SEZ6L: variants seen among roughly 807,000 people sequenced by gnomAD.
The protein encoded by SEZ6L is seizure related 6 homolog like.
A neutral mutation model predicts 106.2 loss-of-function variants in SEZ6L; 37 were observed. The ratio of observed to expected loss-of-function variants is 0.35; its 90% confidence interval spans 0.27 to 0.46. SEZ6L has a LOEUF of 0.46. Ranked by LOEUF, SEZ6L falls within the 20% of genes least tolerant of loss-of-function variation. The pLI is 1.00. For synonymous variants in SEZ6L, 541 were observed against 570.4 expected (o/e 0.95, Z 0.73); for missense variants, 1,172 against 1,332.8 (o/e 0.88, Z 1.88).
intron 1 of SEZ6L, among the ~76,000 whole-genome samples, chr22:26,227,465 TG>T (rs984441214): frequency 1.2e-4 from 19 of 152,194 alleles, no homozygotes; most frequent in African/African-American, 4.6e-4. Context: ...TGGAGGGCAG[TG>T]GTGTGATCAT....
chr22:26,306,058 C>A lies in SEZ6L; in HGVS notation c.1428C>A (p.Ser476Arg). The A allele has an allele frequency of 6.2e-7, 1 of 1,614,146 alleles. No individual in the cohort carries two copies. The change falls in exon 6 of 17, where the codon AGC becomes AGA. Residue 476 changes from serine (S) to arginine (R), a missense_variant. Ser to Arg is a moderately radical substitution (Grantham distance 110). Coordinates refer to ENST00000248933, the MANE Select transcript of SEZ6L (RefSeq NM_021115.5). ...GTTACCCTGAAAACACAAATGGGAG[C>A]CAATTCTGCATCTGGACGATTGAAG... ...SPSYPENTNGSQFCIWTIEAP... is the reference protein window; with the variant it reads ...SPSYPENTNGRQFCIWTIEAP...
intron 9 of SEZ6L, among the ~76,000 whole-genome samples, chr22:26,334,962 A>G (rs989970309): frequency 2.6e-5 from 4 of 152,100 alleles, no homozygotes; most frequent in Non-Finnish European, 1.5e-5. Flanking sequence ...CCGTTTTCCT[A>G]GCGCCTCCTT....
At chr22:26,314,241 G>T (rs2081935839) in intron 9 of SEZ6L, among the ~76,000 whole-genome samples, 1 of 152,190 alleles carries the variant, frequency 6.6e-6, no homozygotes, top group African/African-American at 2.4e-5. Context: ...GGTGCTATGA[G>T]ATTCTTTAAC....
Position 26,259,258 on chromosome 22 carries a change from G to C in SEZ6L, c.95-33148G>C, listed in dbSNP as rs79525156. 3.4e-3 allele frequency among the ~76,000 whole-genome samples: 513 copies of C among 152,312 alleles called. 16 individuals are homozygous for C. In the East Asian group the frequency reaches 0.054, roughly 16 times the overall value. ...GAGGATGAAATGGTCAGCACCAAGA[G>C]AGGTAGGATAATAATTGTTGATATC... is the stretch of plus-strand genomic sequence containing the variant. On this transcript the variant is annotated intron_variant, in intron 1 of 16. Coordinates refer to ENST00000248933, the MANE Select transcript of SEZ6L (RefSeq NM_021115.5).
chr22:26,208,054 C>T (rs559192040), intron 1 of SEZ6L, among the ~76,000 whole-genome samples: 1 of 151,942 alleles, frequency 6.6e-6, no homozygotes, highest in Admixed American at 6.6e-5. Flanking sequence ...GGACTACAGG[C>T]GCGCGCCACC....
intron 1 of SEZ6L, among the ~76,000 whole-genome samples, chr22:26,209,765 G>A (rs774368961): frequency 2.8e-5 from 4 of 142,136 alleles, no homozygotes; most frequent in Non-Finnish European, 6.1e-5. Context: ...GGAAGGAAGC[G>A]AGGGAGGGAG....
At chr22:26,342,715 A>G (rs886296865) in intron 10 of SEZ6L, among the ~76,000 whole-genome samples, 4 of 151,822 alleles carry the variant, frequency 2.6e-5, no homozygotes, top group African/African-American at 9.7e-5. Context: ...GAAAAAAGAA[A>G]AGAATTGTCC....
chr22:26,194,639 A>T (rs941821518), intron 1 of SEZ6L, among the ~76,000 whole-genome samples: 4 of 152,162 alleles, frequency 2.6e-5, no homozygotes, highest in African/African-American at 9.7e-5. Flanking sequence ...TGGGGAAGAG[A>T]TGTTCCTGGT....
chr22:26,205,036 G>T (rs961945020), intron 1 of SEZ6L, among the ~76,000 whole-genome samples: 3 of 152,136 alleles, frequency 2.0e-5, no homozygotes, highest in Admixed American at 6.5e-5. Flanking sequence ...CACCAGATCT[G>T]GTTCCCTTTC....
intron 13 of SEZ6L, among the ~76,000 whole-genome samples, chr22:26,372,797 C>G (rs1005447556): frequency 6.6e-6 from 1 of 152,152 alleles, no homozygotes; most frequent in African/African-American, 2.4e-5. Context: ...AATAGTTTCA[C>G]ATGGGATACA....
At chr22:26,262,856 A>G (rs770400259) in intron 1 of SEZ6L, among the ~76,000 whole-genome samples, 1 of 152,230 alleles carries the variant, frequency 6.6e-6, no homozygotes, top group African/African-American at 2.4e-5. Context: ...AAAGCAAATC[A>G]CAAGGGTGAC....
At chr22:26,276,222 C>T (rs1238205140) in intron 1 of SEZ6L, among the ~76,000 whole-genome samples, 1 of 152,256 alleles carries the variant, frequency 6.6e-6, no homozygotes, top group East Asian at 1.9e-4. Flanking sequence ...CCAACCCTTG[C>T]TTTACCCCAG....
chr22:26,301,613 C>T (rs573496297), intron 5 of SEZ6L, among the ~76,000 whole-genome samples: 14 of 152,084 alleles, frequency 9.2e-5, no homozygotes, highest in Non-Finnish European at 2.1e-4. Context: ...CAGGAAGAAG[C>T]TGTGATAGAG....
At chr22:26,263,397 T>C (rs985988641) in intron 1 of SEZ6L, among the ~76,000 whole-genome samples, 1 of 152,240 alleles carries the variant, frequency 6.6e-6, no homozygotes, top group African/African-American at 2.4e-5. Flanking sequence ...CTCATCCATG[T>C]CTCAATATCT....
intron 3 of SEZ6L, among the ~76,000 whole-genome samples, chr22:26,294,721 A>AACACACACAC (rs56000206): frequency 2.6e-4 from 38 of 148,276 alleles, no homozygotes; most frequent in African/African-American, 6.0e-4. Flanking sequence ...CACGTGCATA[A>AACACACACAC]ACACACACAC....
chr22:26,259,752 G>T (rs977059040), intron 1 of SEZ6L, among the ~76,000 whole-genome samples: 1 of 152,158 alleles, frequency 6.6e-6, no homozygotes, highest in African/African-American at 2.4e-5. Flanking sequence ...TGTGTTCTGG[G>T]CTGCTTGCAG....
chr22:26,266,602 T>C (rs956649982), intron 1 of SEZ6L, among the ~76,000 whole-genome samples: 2 of 148,664 alleles, frequency 1.3e-5, no homozygotes, highest in Admixed American at 6.7e-5. Flanking sequence ...AATAAATAAA[T>C]AAATAAATAA....
intron 9 of SEZ6L, among the ~76,000 whole-genome samples, chr22:26,325,304 C>A (rs1341032184): frequency 6.6e-6 from 1 of 152,174 alleles, no homozygotes; most frequent in Non-Finnish European, 1.5e-5. Flanking sequence ...CTACCATGAC[C>A]ATAGAAGAGT....
chr22:26,230,178 A>C (rs911735604), intron 1 of SEZ6L, among the ~76,000 whole-genome samples: 16 of 152,184 alleles, frequency 1.1e-4, no homozygotes, highest in Non-Finnish European at 2.2e-4. Context: ...TGAGACAAGC[A>C]GAATCTGCTG....
Sources: allele counts gnomAD v4.1 joint callset (sites outside exome capture counted in the v4.1 genomes callset), GRCh38; gene constraint gnomAD v4.1.1; transcripts MANE v1.5; gene names NCBI Gene and HGNC (gene_info 2026-07-23, HGNC 2026-07-21).